Variants in OPCML observed in about 807,000 individuals in gnomAD.
The protein encoded by OPCML is opioid binding protein/cell adhesion molecule like.
OPCML carries 13 observed loss-of-function variants against 37.8 expected under a neutral mutation model. The observed-to-expected ratio is 0.34, with a 90% CI of 0.22 to 0.55. The LOEUF (loss-of-function observed/expected upper bound fraction) is 0.55. Ranked by LOEUF, OPCML falls within the 20% of genes least tolerant of loss-of-function variation. The pLI is 0.91. For synonymous variants in OPCML, 176 were observed against 168.8 expected (o/e 1.04, Z -0.33); for missense variants, 341 against 435.6 (o/e 0.78, Z 1.93).
At chr11:132,997,669 C>A in intron 1 of OPCML, among the ~76,000 whole-genome samples, 1 of 152,094 alleles carries the variant, frequency 6.6e-6, no homozygotes, top group South Asian at 2.1e-4. Flanking sequence ...CATGGACTCT[C>A]AAGAGAAGAC....
At chr11:132,935,469 C>T (rs1235692124) in intron 2 of OPCML, among the ~76,000 whole-genome samples, 2 of 152,150 alleles carry the variant, frequency 1.3e-5, no homozygotes, top group African/African-American at 4.8e-5. Context: ...CCACTGATAA[C>T]ATTCTTTATG....
intron 1 of OPCML, among the ~76,000 whole-genome samples, chr11:133,082,450 C>CTCCTCCCCA (rs1343452568): frequency 2.8e-4 from 29 of 105,246 alleles, no homozygotes; most frequent in African/African-American, 1.0e-3. Flanking sequence ...TTCTCTTCCC[C>CTCCTCCCCA]TCCTCCCCAT....
intron 1 of OPCML, chr11:133,008,356 G>T: frequency 1.0e-6 from 1 of 985,246 alleles, no homozygotes; most frequent in Non-Finnish European, 1.2e-6. Flanking sequence ...AAAGGAATAT[G>T]TTCCTTCAAA....
chr11:133,166,728 C>T (rs1307648378), intron 1 of OPCML, among the ~76,000 whole-genome samples: 1 of 152,198 alleles, frequency 6.6e-6, no homozygotes, highest in African/African-American at 2.4e-5. Context: ...ACCTGACAAA[C>T]TCAAGAGGCA....
At chr11:133,052,547 G>T (rs1037515923) in intron 1 of OPCML, among the ~76,000 whole-genome samples, 2 of 152,336 alleles carry the variant, frequency 1.3e-5, no homozygotes, top group Admixed American at 6.5e-5. Flanking sequence ...CGCCAGCCCA[G>T]TGTCCCTTAT....
intron 1 of OPCML, among the ~76,000 whole-genome samples, chr11:132,982,380 T>C (rs1031545404): frequency 1.3e-5 from 2 of 152,172 alleles, no homozygotes; most frequent in Admixed American, 1.3e-4. Flanking sequence ...TTGTCTCATC[T>C]ATAATATCAG....
chr11:133,222,686 T>C (rs1939888154), intron 1 of OPCML, among the ~76,000 whole-genome samples: 1 of 152,202 alleles, frequency 6.6e-6, no homozygotes, highest in Non-Finnish European at 1.5e-5. Context: ...GTAGCTGTCT[T>C]CATCTATTAT....
chr11:132,855,119 G>T (rs549396649), intron 2 of OPCML, among the ~76,000 whole-genome samples: 42 of 152,268 alleles, frequency 2.8e-4, no homozygotes, highest in Non-Finnish European at 5.1e-4. Context: ...TACAGCTCAG[G>T]AGTCATATGG....
At chr11:133,427,890 C>G (rs576582287) in intron 1 of OPCML, among the ~76,000 whole-genome samples, 119 of 152,132 alleles carry the variant, frequency 7.8e-4, no homozygotes, top group African/African-American at 2.6e-3. Context: ...TATATGTAAG[C>G]CCACACCTCT....
At chr11:132,578,507 G>T (rs1035233656) in intron 3 of OPCML, among the ~76,000 whole-genome samples, 4 of 152,116 alleles carry the variant, frequency 2.6e-5, no homozygotes, top group African/African-American at 7.2e-5. Context: ...ATAACAAAGA[G>T]CTTTTGTCCA....
chr11:132,796,099 ATG>A (rs1005163673), intron 2 of OPCML, among the ~76,000 whole-genome samples: 1 of 152,138 alleles, frequency 6.6e-6, no homozygotes, highest in Non-Finnish European at 1.5e-5. Flanking sequence ...ATATAGGAGG[ATG>A]TGTGTAGGTT....
intron 2 of OPCML, among the ~76,000 whole-genome samples, chr11:132,727,322 G>C (rs1423078514): frequency 6.6e-6 from 1 of 152,170 alleles, no homozygotes; most frequent in African/African-American, 2.4e-5. Context: ...CCTGTGCCTA[G>C]AGATTTAGGT....
intron 2 of OPCML, among the ~76,000 whole-genome samples, chr11:132,908,327 TAC>T (rs1317197690): frequency 6.6e-6 from 1 of 152,164 alleles, no homozygotes; most frequent in Non-Finnish European, 1.5e-5. Context: ...CACACATAGG[TAC>T]ACACACAAAC....
At chr11:132,820,028 AG>A (rs1216491703) in intron 2 of OPCML, among the ~76,000 whole-genome samples, 1 of 152,120 alleles carries the variant, frequency 6.6e-6, no homozygotes, top group Non-Finnish European at 1.5e-5. Context: ...GAAACGTCAG[AG>A]GGTCTTACAT....
intron 2 of OPCML, among the ~76,000 whole-genome samples, chr11:132,695,821 A>G (rs1251088320): frequency 1.3e-5 from 2 of 152,244 alleles, no homozygotes; most frequent in African/African-American, 4.8e-5. Flanking sequence ...AGAAAATCCT[A>G]GAAGTATGGA....
intron 1 of OPCML, among the ~76,000 whole-genome samples, chr11:133,019,715 A>C (rs900578592): frequency 6.6e-6 from 1 of 152,176 alleles, no homozygotes. Context: ...TGGGCAGAGT[A>C]CCATGGAGAG....
At chr11:133,126,166 A>T (rs926073903) in intron 1 of OPCML, among the ~76,000 whole-genome samples, 1 of 151,918 alleles carries the variant, frequency 6.6e-6, no homozygotes, top group Non-Finnish European at 1.5e-5. Flanking sequence ...TCTGTTGGAG[A>T]ACCAGAAAAG....
chr11:132,578,439 A>C (rs1264209433), intron 3 of OPCML, among the ~76,000 whole-genome samples: 1 of 152,230 alleles, frequency 6.6e-6, no homozygotes, highest in Non-Finnish European at 1.5e-5. Flanking sequence ...AAAATAAAAA[A>C]TAACCCTTGG....
At chr11:133,488,111 C>A (rs1168700605) in intron 1 of OPCML, among the ~76,000 whole-genome samples, 2 of 152,082 alleles carry the variant, frequency 1.3e-5, no homozygotes, top group Non-Finnish European at 1.5e-5. Context: ...AGAAGGAACA[C>A]ACCTCAACAT....
Sources: allele counts gnomAD v4.1 joint callset (sites outside exome capture counted in the v4.1 genomes callset), GRCh38; gene constraint gnomAD v4.1.1; transcripts MANE v1.5; gene names NCBI Gene and HGNC (gene_info 2026-07-23, HGNC 2026-07-21).